Variants in SSX7 observed in about 807,000 individuals in gnomAD.
SSX7 encodes the protein protein SSX7.
SSX7 carries 15 observed loss-of-function variants against 14.7 expected under a neutral mutation model. The observed-to-expected ratio is 1.02, with a 90% CI of 0.68 to 1.58. The LOEUF is 1.58. Among genes scored for constraint, SSX7 ranks in the 40% most tolerant of loss-of-function variants. SSX7 has a pLI of 0.00. For synonymous variants in SSX7, 46 were observed against 50.6 expected (o/e 0.91, Z 0.38); for missense variants, 178 against 146.8 (o/e 1.21, Z -1.10).
chrX:52,646,926 G>A (rs1556766403), intron 6 of SSX7, among the ~76,000 whole-genome samples: 1 of 112,400 alleles, frequency 8.9e-6, no homozygotes, highest in East Asian at 2.8e-4. Context: ...GAATGCAAAG[G>A]AAAAGTTCTT....
chrX:52,653,143 A>C (rs1167766105), intron 2 of SSX7, 159 bp from the exon 3 acceptor site: 1 of 752,091 alleles, frequency 1.3e-6, no homozygotes, highest in Admixed American at 8.9e-5. Context: ...CCTGCCACAC[A>C]GTAGGGCTTT....
Position 52,650,498 on chromosome X carries a change from T to C in SSX7, c.281-96A>G, listed in dbSNP as rs782517844. On this transcript the variant is annotated intron_variant, in intron 4 of 7. Transcript: ENST00000298181. Reference sequence around the variant, plus strand: ...CAGGGTATTCTGCAGCAGAGTGTTATGAGTCCACTCATTGTTGAGGAGTTA... The same window carrying C: ...CAGGGTATTCTGCAGCAGAGTGTTACGAGTCCACTCATTGTTGAGGAGTTA... The C allele has an allele frequency of 2.5e-3, 2,327 of 948,380 alleles. 4 individuals are homozygous for C. Among genetic ancestry groups the C allele is most frequent in the Non-Finnish European group, 3.2e-3 (2,157 of 667,267 alleles). The allele number at this position is 948,380 out of a possible 1,213,427, so 78.2% of individuals were successfully genotyped here.
intron 2 of SSX7, 173 bp from the exon 3 acceptor site, chrX:52,653,157 G>T: frequency 6.6e-6 from 5 of 753,805 alleles, no homozygotes; most frequent in Non-Finnish European, 7.8e-6. Context: ...GGGCTTTAAT[G>T]CTGCTGACTG....
At chrX:52,652,066 T>C (rs1173715918) in intron 4 of SSX7, among the ~76,000 whole-genome samples, 186 bp downstream of exon 4, 1 of 110,341 alleles carries the variant, frequency 9.1e-6, no homozygotes, top group Admixed American at 9.8e-5. Flanking sequence ...TATATTCTTG[T>C]TTTTCGTGTT....
rs1382315076 is a variant in SSX7, at chrX:52,644,659, G to T, written c.*16C>A. 129 of 1,193,943 alleles carry T rather than the reference G, an allele frequency of 1.1e-4. 1 individual carries two copies. The highest frequency in any genetic ancestry group is 1.4e-4 in the Non-Finnish European group (126 of 893,700). ...CTGCTTCTCATCATGGGCATATGTC[G>T]TATCCCCGAGGCTGAGGCAAGAAGA... On this transcript the variant is annotated 3_prime_UTR_variant, in exon 8 of 8. Transcript: ENST00000298181.
intron 7 of SSX7, among the ~76,000 whole-genome samples, chrX:52,645,041 G>A (rs1364533856): frequency 9.0e-6 from 1 of 110,883 alleles, no homozygotes; most frequent in South Asian, 3.9e-4. Flanking sequence ...AGGCCGAGGC[G>A]GGCGGATCAC....
At chrX:52,650,818 A>G (rs1305945990) in intron 4 of SSX7, among the ~76,000 whole-genome samples, 4 of 112,429 alleles carry the variant, frequency 3.6e-5, no homozygotes, top group Admixed American at 2.8e-4. Context: ...TGGATGATTT[A>G]GTCCAGTGGC....
chrX:52,649,552 G>A (rs1925362872), intron 5 of SSX7, among the ~76,000 whole-genome samples: 2 of 111,816 alleles, frequency 1.8e-5, no homozygotes, highest in East Asian at 2.8e-4. Flanking sequence ...GCACTTGTGG[G>A]GTCACTCATT....
chrX:52,645,085 C>T (rs1223207526), intron 7 of SSX7, among the ~76,000 whole-genome samples: 1 of 110,659 alleles, frequency 9.0e-6, no homozygotes, highest in East Asian at 2.8e-4. Flanking sequence ...CTGGCTAACA[C>T]GGTGAAACCC....
In SSX7 at chrX:52,646,772, C is replaced by G. The variant is rs1490497618; in HGVS notation, c.467-1229G>C. Among the ~76,000 whole-genome samples, 4 of 111,437 alleles carry G rather than the reference C, an allele frequency of 3.6e-5. 1 individual carries two copies. The highest frequency in any genetic ancestry group is 7.5e-5 in the Non-Finnish European group (4 of 53,182). On this transcript the variant is annotated intron_variant, in intron 6 of 7. Transcript: ENST00000298181. ...AGGATGATTGACAACCCTATAATGG[C>G]CGCTAAGTATTCAAATGAAAGGAAG...
chrX:52,644,514 G>A lies in SSX7; in HGVS notation c.*161C>T. On this transcript the variant is annotated 3_prime_UTR_variant, in exon 8 of 8. Coordinates refer to ENST00000298181, the MANE Select transcript of SSX7 (RefSeq NM_173358.2). ...ATGGAAACACTAACATCGAACTCTT[G>A]TCACACTAAGAAAAACGACGCTCAA... 7 of 844,138 alleles carry A rather than the reference G, an allele frequency of 8.3e-6. No individual in the cohort carries two copies. The highest frequency in any genetic ancestry group is 1.7e-6 in the Non-Finnish European group (1 of 588,124). 69.6% of individuals were successfully genotyped at this position (844,138 alleles called of 1,213,427 possible).
chrX:52,653,066 T>C, intron 2 of SSX7, 82 bp from the exon 3 acceptor site: 1 of 1,178,758 alleles, frequency 8.5e-7, no homozygotes, highest in Non-Finnish European at 1.1e-6. Flanking sequence ...TCCTGTGTGC[T>C]GGATCTGGGA....
chrX:52,644,809 T>C, intron 7 of SSX7, 139 bp from the exon 8 acceptor site: 1 of 708,751 alleles, frequency 1.4e-6, no homozygotes, highest in Non-Finnish European at 2.2e-6. Context: ...CCTTCCATGG[T>C]TCCTTGAAGT....
Position 52,652,872 on chromosome X carries a change from A to C in SSX7, c.182T>G (p.Leu61Arg), listed in dbSNP as rs782692818. Residue 61 changes from leucine to arginine, a missense_variant and splice_region_variant, in exon 3 of 8, where the codon CTA becomes CGA. Leu to Arg is a moderately radical substitution (Grantham distance 102). Coordinates refer to ENST00000298181, the MANE Select transcript of SSX7 (RefSeq NM_173358.2). ...MKRKYEAMTKLGFKATLPPFM... is the reference protein window; with the variant it reads ...MKRKYEAMTKRGFKATLPPFM... ...CTGTACCTAGAACTTTCTGTTACCT[A>C]GTTTAGTCATGGCCTCATACTTTCT... 1.7e-6 allele frequency: 2 copies of C among 1,191,051 alleles called. No homozygotes were observed. Among genetic ancestry groups the C allele is most frequent in the Non-Finnish European group, 2.3e-6 (2 of 879,059 alleles).
chrX:52,652,749 C>T (rs1381766942), intron 3 of SSX7, 121 bp downstream of exon 3: 7 of 695,164 alleles, frequency 1.0e-5, no homozygotes, highest in African/African-American at 6.6e-5. Context: ...AGCTGCCTTG[C>T]GATTTTTCCC....
Position 52,651,225 on chromosome X carries a change from A to G in SSX7, c.281-823T>C, listed in dbSNP as rs782053671. Among the ~76,000 whole-genome samples the G allele has an allele frequency of 2.2e-3, 244 of 111,848 alleles. 1 individual carries two copies. Among genetic ancestry groups the G allele is most frequent in the Non-Finnish European group, 2.7e-3 (141 of 53,178 alleles). On this transcript the variant is annotated intron_variant, in intron 4 of 7. Transcript: ENST00000298181. ...GAGAATCAGGGTTCTTTGGGAATGA[A>G]AAGACTATTTGGCTCTGATAAAATA... is the stretch of plus-strand genomic sequence containing the variant.
At chrX:52,645,694 A>C in intron 6 of SSX7, 151 bp from the exon 7 acceptor site, 1 of 565,638 alleles carries the variant, frequency 1.8e-6, no homozygotes. Flanking sequence ...AGAGAGGCTG[A>C]GACCTTAGAC....
chrX:52,654,193 T>G (rs782097501), intron 1 of SSX7, among the ~76,000 whole-genome samples: 538 of 108,026 alleles, frequency 5.0e-3, no homozygotes, highest in African/African-American at 0.017. Flanking sequence ...CTTGAGCCCA[T>G]GAGCTTGAGA....
intron 4 of SSX7, among the ~76,000 whole-genome samples, chrX:52,651,430 A>G (rs1425964181): frequency 8.9e-6 from 1 of 111,748 alleles, no homozygotes; most frequent in Non-Finnish European, 1.9e-5. Flanking sequence ...CCTTTGATTC[A>G]TTAATGGTGC....
Sources: allele counts gnomAD v4.1 joint callset (sites outside exome capture counted in the v4.1 genomes callset), GRCh38; gene constraint gnomAD v4.1.1; transcripts MANE v1.5; gene names NCBI Gene and HGNC (gene_info 2026-07-23, HGNC 2026-07-21).